Variants in CDH11 observed in about 807,000 individuals in gnomAD.
CDH11 encodes the protein cadherin 11.
CDH11 carries 11 observed loss-of-function variants against 67.8 expected under a neutral mutation model. The observed-to-expected ratio is 0.16, with a 90% CI of 0.10 to 0.27. The LOEUF is 0.27. Ranked by LOEUF, CDH11 falls within the 10% of genes least tolerant of loss-of-function variation. The pLI is 1.00. For synonymous variants in CDH11, 419 were observed against 400.0 expected, an observed-to-expected ratio of 1.05 and a Z score of -0.57; for missense variants, 847 against 1,031.2, an observed-to-expected ratio of 0.82 and a Z score of 2.45.
chr16:64,989,541 C>T (rs1280013336), intron 6 of CDH11, among the ~76,000 whole-genome samples: 2 of 152,056 alleles, frequency 1.3e-5, no homozygotes, highest in African/African-American at 4.8e-5. Context: ...ATGGCAAAAA[C>T]CCTAAGGTGA....
At chr16:64,975,231 T>C (rs1049265406) in intron 8 of CDH11, among the ~76,000 whole-genome samples, 11 of 152,234 alleles carry the variant, frequency 7.2e-5, no homozygotes, top group African/African-American at 4.8e-5. Context: ...TTATTTTTGT[T>C]GTTGATGCTG....
chr16:65,117,674 C>T (rs931787332), intron 1 of CDH11, among the ~76,000 whole-genome samples: 2 of 152,186 alleles, frequency 1.3e-5, no homozygotes, highest in Non-Finnish European at 2.9e-5. Context: ...ACTGCTATTC[C>T]TTTTTGCAAA....
intron 1 of CDH11, among the ~76,000 whole-genome samples, chr16:65,103,723 C>G (rs1010554407): frequency 3.3e-5 from 5 of 152,184 alleles, no homozygotes; most frequent in Non-Finnish European, 7.4e-5. Context: ...CATGTACCTA[C>G]TGAGCACTTA....
chr16:65,056,199 CAA>C (rs2074139182), intron 1 of CDH11, among the ~76,000 whole-genome samples: 1 of 152,192 alleles, frequency 6.6e-6, no homozygotes, highest in Non-Finnish European at 1.5e-5. Flanking sequence ...GTCAAAAGTT[CAA>C]ATACTCGATA....
rs1254285521 is a variant in CDH11, at chr16:65,121,965, C to A, written c.-383G>T. On this transcript the variant is annotated 5_prime_UTR_variant, in exon 1 of 13. Coordinates refer to ENST00000268603, the MANE Select transcript of CDH11 (RefSeq NM_001797.4). This position sits in a 1 kb window ranked among gnomAD's most constrained non-coding sequence, Gnocchi z 4.1. ...CTGCGGTGTCAGTCCCGGCCCCAGT[C>A]CCGGTCCCATTCACAAGTCAGCGGC... 1.0e-5 allele frequency: 7 copies of A among 701,624 alleles called. No homozygotes were observed. The East Asian group carries it at 1.9e-4, about 19-fold the overall frequency. 43.5% of individuals were successfully genotyped at this position (701,624 alleles called of 1,614,324 possible). A position where few individuals can be genotyped will look rare whatever the true frequency, so the allele number is the denominator to read the frequency against.
chr16:65,062,116 A>C (rs565398615), intron 1 of CDH11, among the ~76,000 whole-genome samples: 1 of 152,336 alleles, frequency 6.6e-6, no homozygotes, highest in Admixed American at 6.5e-5. Context: ...GATTTAAAAG[A>C]AACATGACTA....
At chr16:65,104,441 C>A (rs940364118) in intron 1 of CDH11, among the ~76,000 whole-genome samples, 12 of 152,176 alleles carry the variant, frequency 7.9e-5, no homozygotes, top group Admixed American at 7.9e-4. Context: ...TAATATACTT[C>A]TAACTTACAA....
At chr16:65,061,133 C>T (rs1428725475) in intron 1 of CDH11, among the ~76,000 whole-genome samples, 1 of 152,198 alleles carries the variant, frequency 6.6e-6, no homozygotes, top group African/African-American at 2.4e-5. Context: ...AATTAGAGAT[C>T]TTTGTTATTT....
At chr16:65,006,256 T>C (rs1567523626) in intron 2 of CDH11, among the ~76,000 whole-genome samples, 1 of 152,160 alleles carries the variant, frequency 6.6e-6, no homozygotes, top group Non-Finnish European at 1.5e-5. Flanking sequence ...TACATTGATA[T>C]TGAGGATAAC....
At chr16:64,966,288 A>T (rs978611029) in intron 11 of CDH11, among the ~76,000 whole-genome samples, 1 of 152,088 alleles carries the variant, frequency 6.6e-6, no homozygotes, top group East Asian at 1.9e-4. Context: ...AAGTATTTTT[A>T]AAATTTTAGT....
intron 2 of CDH11, among the ~76,000 whole-genome samples, chr16:65,024,496 T>A (rs992362556): frequency 6.6e-6 from 1 of 152,192 alleles, no homozygotes; most frequent in Non-Finnish European, 1.5e-5. Flanking sequence ...AGAGCTACAC[T>A]ATCCAATAGG....
chr16:65,009,381 A>T (rs532922434), intron 2 of CDH11, among the ~76,000 whole-genome samples: 2 of 152,294 alleles, frequency 1.3e-5, no homozygotes, highest in South Asian at 4.1e-4. Context: ...ATGACACAAA[A>T]TTTGATCTTT....
At chr16:65,056,034 C>G (rs1461418361) in intron 1 of CDH11, among the ~76,000 whole-genome samples, 2 of 152,200 alleles carry the variant, frequency 1.3e-5, no homozygotes, top group African/African-American at 4.8e-5. Context: ...AGAACAGAAC[C>G]TACTGGTCTC....
At chr16:64,977,715 A>G (rs1264877556) in intron 8 of CDH11, among the ~76,000 whole-genome samples, 1 of 152,198 alleles carries the variant, frequency 6.6e-6, no homozygotes, top group Non-Finnish European at 1.5e-5. Context: ...TCCAGTGTTC[A>G]ATACTGACTG....
intron 1 of CDH11, among the ~76,000 whole-genome samples, chr16:65,081,973 C>A (rs1229180139): frequency 2.0e-5 from 3 of 152,086 alleles, no homozygotes; most frequent in African/African-American, 7.2e-5. Flanking sequence ...GTCCTCCAGA[C>A]CCTGCACAGG....
At chr16:65,076,932 T>A (rs2074522787) in intron 1 of CDH11, among the ~76,000 whole-genome samples, 1 of 152,088 alleles carries the variant, frequency 6.6e-6, no homozygotes, top group Non-Finnish European at 1.5e-5. Flanking sequence ...GTATTTCTAA[T>A]CCGAGACACC....
At chr16:65,068,105 A>G (rs1160690830) in intron 1 of CDH11, among the ~76,000 whole-genome samples, 2 of 95,516 alleles carry the variant, frequency 2.1e-5, no homozygotes, top group African/African-American at 4.2e-5. Context: ...AAAGGCGGGA[A>G]GGAGGGATGA....
chr16:64,956,811 T>C (rs2071525855), intron 11 of CDH11, among the ~76,000 whole-genome samples: 2 of 152,054 alleles, frequency 1.3e-5, no homozygotes, highest in African/African-American at 4.8e-5. Context: ...ATAATGATGA[T>C]CTCCATGGTA....
chr16:65,006,159 G>T (rs1274053010), intron 2 of CDH11, among the ~76,000 whole-genome samples: 1 of 152,044 alleles, frequency 6.6e-6, no homozygotes, highest in Non-Finnish European at 1.5e-5. Flanking sequence ...TCTCTCTCTG[G>T]AGTGCCACCC....
Sources: gnomAD v4.1 joint callset for allele counts (sites outside exome capture counted in the v4.1 genomes callset) on GRCh38, gnomAD v4.1.1 for gene constraint, Gnocchi (gnomAD v3.1) non-coding constraint, MANE v1.5 for transcripts, NCBI Gene and HGNC (gene_info 2026-07-23, HGNC 2026-07-21) for gene names.